KNTC1: variants seen among roughly 807,000 people sequenced by gnomAD.
The protein encoded by KNTC1 is kinetochore associated 1, also known as kinetochore-associated protein 1.
A neutral mutation model predicts 314.4 loss-of-function variants in KNTC1; 253 were observed. That is an observed-to-expected ratio of 0.80 (90% CI 0.73 to 0.89). The LOEUF (loss-of-function observed/expected upper bound fraction) is 0.89. KNTC1 is among the 40% of genes least tolerant of loss of function. The pLI, the probability that KNTC1 is intolerant of heterozygous loss-of-function variation, is 0.00. For synonymous variants in KNTC1, 901 were observed against 901.4 expected, an observed-to-expected ratio of 1.00 and a Z score of 0.01; for missense variants, 2,475 against 2,572.9, an observed-to-expected ratio of 0.96 and a Z score of 0.82.
At chr12:122,570,550 A>G (rs1330503550) in intron 22 of KNTC1, among the ~76,000 whole-genome samples, 1 of 151,882 alleles carries the variant, frequency 6.6e-6, no homozygotes, top group Non-Finnish European at 1.5e-5. Context: ...ATACTATTTG[A>G]TTATACAAGA....
chr12:122,580,806 A>T (rs1043732387), intron 33 of KNTC1, 136 bp downstream of exon 33: 4 of 512,008 alleles, frequency 7.8e-6, no homozygotes, highest in Non-Finnish European at 1.4e-5. Context: ...AGGTGAGTGG[A>T]TCACAAGGTC....
chr12:122,541,441 G>A (rs532476979), intron 5 of KNTC1, among the ~76,000 whole-genome samples: 1 of 151,132 alleles, frequency 6.6e-6, no homozygotes, highest in South Asian at 2.1e-4. Context: ...CCACTACCCG[G>A]GTTCAAGCAA....
intron 20 of KNTC1, 101 bp from the exon 21 acceptor site, chr12:122,568,160 A>T (rs985918948): frequency 2.1e-5 from 14 of 658,372 alleles, no homozygotes; most frequent in Non-Finnish European, 1.6e-5. Flanking sequence ...TACCTTTATG[A>T]AGAAGAAAAC....
chr12:122,610,865 A>G lies in KNTC1; in HGVS notation c.5587A>G (p.Arg1863Gly). ...LLSRPIDYSS[R>G]MLFVFATSTT... is the part of the protein sequence containing the mutation. ...GTCTCGTCCAATTGATTATAGTTCAAGAATGCTGTTTGTATTTGCAACATC... is the reference window on the plus strand; with the variant it reads ...GTCTCGTCCAATTGATTATAGTTCAGGAATGCTGTTTGTATTTGCAACATC... Residue 1863 changes from arginine to glycine, a missense_variant, in exon 53 of 64, where the codon AGA becomes GGA. By Grantham distance (125) the Arg-to-Gly change is moderately radical. Transcript: ENST00000333479. 1 of 1,613,662 alleles carries G rather than the reference A, an allele frequency of 6.2e-7. No individual in the cohort carries two copies. Among genetic ancestry groups the G allele is most frequent in the Non-Finnish European group, 8.5e-7 (1 of 1,179,662 alleles).
Position 122,582,959 on chromosome 12 carries a change from C to T in KNTC1, c.3237C>T (p.Asn1079=). ...CCTTGAGAGCCTTAAAAGATGGGAA[C>T]ATCAAAACAGCACTGAAAAAATGCA... ...ELTLRALKDG[N]IKTALKKCSD... Residue 1079 remains asparagine, a synonymous_variant, in exon 34 of 64, where the codon AAC becomes AAT. Transcript: ENST00000333479. 3.1e-6 allele frequency: 5 copies of T among 1,611,298 alleles called. No individual in the cohort carries two copies. Among genetic ancestry groups the T allele is most frequent in the Non-Finnish European group, 4.2e-6 (5 of 1,178,686 alleles).
In KNTC1 at chr12:122,587,759, A is replaced by C. The variant is rs1377991583; in HGVS notation, c.3779A>C (p.Gln1260Pro). 1.6e-5 allele frequency: 26 copies of C among 1,613,720 alleles called. No individual in the cohort carries two copies. The highest frequency in any genetic ancestry group is 2.2e-5 in the Non-Finnish European group (26 of 1,179,798). The change falls in exon 39 of 64, where the codon CAG (glutamine) becomes CCG (proline). Residue 1260 changes from glutamine (Q) to proline (P), a missense_variant. Transcript: ENST00000333479. ...ATAAATTCCATCTCTGCCCTGCTTC[A>C]GAATCTTCAGGAATCTAGCCAGTGG... ...PVINSISALLQNLQESSQWEL... is the reference protein window; with the variant it reads ...PVINSISALLPNLQESSQWEL...
chr12:122,620,676 A>G, intron 60 of KNTC1, 68 bp downstream of exon 60: 1 of 1,536,814 alleles, frequency 6.5e-7, no homozygotes, highest in Non-Finnish European at 8.8e-7. Context: ...GTCCCTTGCA[A>G]AAGGTCGCAT....
chr12:122,613,501 A>G, intron 54 of KNTC1, 125 bp from the exon 55 acceptor site: 1 of 778,936 alleles, frequency 1.3e-6, no homozygotes, highest in Non-Finnish European at 1.9e-6. Context: ...TATTCAGTGA[A>G]TATATTTGGA....
At chr12:122,605,167 C>T in intron 50 of KNTC1, 80 bp downstream of exon 50, 1 of 1,270,698 alleles carries the variant, frequency 7.9e-7, no homozygotes, top group Non-Finnish European at 1.1e-6. Flanking sequence ...TGTACGTGTA[C>T]ATATATATTA....
rs373954908 is a variant in KNTC1 at position 122,625,943 on chromosome 12, G to A, written c.6607-262G>A. On this transcript the variant is annotated intron_variant, in intron 63 of 63. Coordinates refer to ENST00000333479, the MANE Select transcript of KNTC1 (RefSeq NM_014708.6). Reference sequence around the variant, plus strand: ...TAGAATGAGCCCGCATTTTGTTACCGCCCATTAATAACTTACAGGGCTTAC... The same window carrying A: ...TAGAATGAGCCCGCATTTTGTTACCACCCATTAATAACTTACAGGGCTTAC... Among the ~76,000 whole-genome samples the A allele has an allele frequency of 6.6e-5, 10 of 152,130 alleles. No homozygotes were observed. The South Asian group carries it at 8.3e-4, about 13-fold the overall frequency.
rs529264876 is a variant in KNTC1 at position 122,593,882 on chromosome 12, A to G, written c.4246-394A>G. The G allele has an allele frequency of 1.1e-4, 19 of 166,856 alleles. No individual in the cohort carries two copies. In the South Asian group the frequency reaches 2.9e-3, roughly 25 times the overall value. 10.3% of individuals were successfully genotyped at this position (166,856 alleles called of 1,614,324 possible). On this transcript the variant is annotated intron_variant, in intron 42 of 63. Coordinates refer to ENST00000333479, the MANE Select transcript of KNTC1 (RefSeq NM_014708.6). The stretch of plus-strand genomic sequence containing the variant: ...CAGCCTCCCACAGTGCTGGGATTAT[A>G]GGCATGAGCCAAAACCCTGTTTTCT...
intron 24 of KNTC1, among the ~76,000 whole-genome samples, chr12:122,572,008 T>C (rs1964718935): frequency 2.0e-5 from 3 of 152,110 alleles, no homozygotes; most frequent in Non-Finnish European, 4.4e-5. Flanking sequence ...TTTTCTCTAT[T>C]CAACCAACCA....
intron 26 of KNTC1, among the ~76,000 whole-genome samples, chr12:122,573,815 A>G (rs745607587): frequency 6.6e-6 from 1 of 152,192 alleles, no homozygotes; most frequent in Non-Finnish European, 1.5e-5. Flanking sequence ...CAGATAATGC[A>G]GCTGTCTCAG....
chr12:122,570,802 A>G, intron 22 of KNTC1, 74 bp from the exon 23 acceptor site: 1 of 989,682 alleles, frequency 1.0e-6, no homozygotes, highest in East Asian at 2.6e-5. Flanking sequence ...AAGGAAAAAA[A>G]AGAAATCGTG....
At chr12:122,577,126 G>A (rs1399777073) in intron 30 of KNTC1, 97 bp downstream of exon 30, 1 of 863,552 alleles carries the variant, frequency 1.2e-6, no homozygotes, top group South Asian at 2.4e-5. Context: ...TGCCCAGGCT[G>A]GAGTGCAGTG....
intron 41 of KNTC1, 129 bp from the exon 42 acceptor site, chr12:122,591,208 A>G: frequency 1.5e-6 from 1 of 670,892 alleles, no homozygotes; most frequent in South Asian, 1.7e-5. Flanking sequence ...GACTGTGTAC[A>G]AAATAATATG....
chr12:122,552,376 TG>T (rs1158499501), intron 16 of KNTC1, among the ~76,000 whole-genome samples: 3 of 152,034 alleles, frequency 2.0e-5, no homozygotes, highest in African/African-American at 7.2e-5. Context: ...AAGAAGATGA[TG>T]ATGATGCAGA....
At chr12:122,574,452 T>A in intron 27 of KNTC1, 72 bp downstream of exon 27, 1 of 895,494 alleles carries the variant, frequency 1.1e-6, no homozygotes. Context: ...TTTCTGTTCA[T>A]AAAAGCGACA....
Position 122,590,691 on chromosome 12 carries a change from T to C in KNTC1, c.4084T>C (p.Trp1362Arg), listed in dbSNP as rs35806018. ...LPQKDVFENL[W>R]KLIDKAWQNY... ...TCAAAAAGATGTGTTTGAAAATCTC[T>C]GGAAGCTCATAGATAAAGCATGGCA... The change falls in exon 41 of 64, where the codon TGG (tryptophan) becomes CGG (arginine). Residue 1362 changes from tryptophan (W) to arginine (R), a missense_variant. Coordinates refer to ENST00000333479, the MANE Select transcript of KNTC1 (RefSeq NM_014708.6). 1.9e-6 allele frequency: 3 copies of C among 1,613,578 alleles called. No homozygotes were observed. The highest frequency in any genetic ancestry group is 3.3e-5 in the Admixed American group (2 of 59,980).
Sources: allele counts gnomAD v4.1 joint callset (sites outside exome capture counted in the v4.1 genomes callset), GRCh38; gene constraint gnomAD v4.1.1; transcripts MANE v1.5; gene names NCBI Gene and HGNC (gene_info 2026-07-23, HGNC 2026-07-21).